The following CTNNA3 variants were observed in gnomAD, a reference collection of about 807,000 sequenced individuals.
CTNNA3 encodes the protein catenin alpha-3.
CTNNA3 carries 76 observed loss-of-function variants against 95.7 expected under a neutral mutation model. The ratio of observed to expected loss-of-function variants is 0.79; its 90% CI spans 0.66 to 0.96. The LOEUF (loss-of-function observed/expected upper bound fraction) is 0.96. Ranked by LOEUF, CTNNA3 falls within the 40% of genes least tolerant of loss-of-function variation. The pLI is 0.00. For synonymous variants in CTNNA3, 431 were observed against 374.4 expected, an observed-to-expected ratio of 1.15 and a Z score of -1.74; for missense variants, 1,191 against 1,089.8, an observed-to-expected ratio of 1.09 and a Z score of -1.31.
intron 5 of CTNNA3, among the ~76,000 whole-genome samples, chr10:67,362,638 A>G (rs1843031654): frequency 6.6e-6 from 1 of 152,134 alleles, no homozygotes; most frequent in African/African-American, 2.4e-5. Flanking sequence ...ACAAACCCAC[A>G]GCCAACATCA....
At chr10:67,406,144 T>G (rs1589259637) in intron 5 of CTNNA3, among the ~76,000 whole-genome samples, 1 of 152,172 alleles carries the variant, frequency 6.6e-6, no homozygotes, top group East Asian at 1.9e-4. Flanking sequence ...AAAAAGAACA[T>G]GCTTGCTTCC....
chr10:66,695,899 T>A, intron 9 of CTNNA3, among the ~76,000 whole-genome samples: 2 of 101,754 alleles, frequency 2.0e-5, no homozygotes, highest in African/African-American at 7.9e-5. Flanking sequence ...ATCTAAAAAT[T>A]GGGTGAAAGA....
intron 13 of CTNNA3, among the ~76,000 whole-genome samples, chr10:66,175,003 A>G (rs1337545852): frequency 1.3e-5 from 2 of 152,148 alleles, no homozygotes; most frequent in East Asian, 1.9e-4. Flanking sequence ...ATGATAATCA[A>G]TGTGTCATTG....
At chr10:67,426,440 A>C (rs921616020) in intron 5 of CTNNA3, among the ~76,000 whole-genome samples, 3 of 152,126 alleles carry the variant, frequency 2.0e-5, no homozygotes, top group Non-Finnish European at 2.9e-5. Flanking sequence ...GCTGTTTGTA[A>C]TAATAGTAAG....
At chr10:67,252,113 A>G (rs543229507) in intron 5 of CTNNA3, among the ~76,000 whole-genome samples, 32 of 150,278 alleles carry the variant, frequency 2.1e-4, no homozygotes, top group African/African-American at 7.1e-4. Flanking sequence ...TGGGAGGCTG[A>G]GGTGGGAGAA....
chr10:67,726,267 AT>A (rs1841214714), intron 1 of CTNNA3, among the ~76,000 whole-genome samples: 1 of 68,640 alleles, frequency 1.5e-5, no homozygotes, highest in Non-Finnish European at 2.3e-5. Flanking sequence ...TGTATTACAT[AT>A]TATATATATT....
At chr10:67,638,616 A>T (rs898754152) in intron 2 of CTNNA3, among the ~76,000 whole-genome samples, 6 of 152,122 alleles carry the variant, frequency 3.9e-5, no homozygotes, top group Non-Finnish European at 5.9e-5. Flanking sequence ...GAAGTAAAGC[A>T]CTCCTCAGCA....
At chr10:67,576,517 G>C (rs879687013) in intron 3 of CTNNA3, among the ~76,000 whole-genome samples, 1 of 151,452 alleles carries the variant, frequency 6.6e-6, no homozygotes, top group Non-Finnish European at 1.5e-5. Flanking sequence ...AATTATAAGA[G>C]TGTTCTCTTG....
At chr10:67,750,430 T>C in intron 1 of CTNNA3, 1 of 1,488,264 alleles carries the variant, frequency 6.7e-7, no homozygotes, top group Non-Finnish European at 9.4e-7. Context: ...CCTATGTCTA[T>C]CAGAATGAAC....
At chr10:67,742,769 A>G (rs1385160019) in intron 1 of CTNNA3, among the ~76,000 whole-genome samples, 5 of 151,164 alleles carry the variant, frequency 3.3e-5, no homozygotes, top group Non-Finnish European at 5.9e-5. Context: ...ACTAATAAGG[A>G]AGAAAAGAGA....
chr10:67,712,542 G>A (rs988135172), intron 1 of CTNNA3, among the ~76,000 whole-genome samples: 1 of 152,236 alleles, frequency 6.6e-6, no homozygotes, highest in South Asian at 2.1e-4. Flanking sequence ...AGCTGTGGCT[G>A]AAAGGGGCCA....
At chr10:67,611,369 C>T (rs925684341) in intron 2 of CTNNA3, among the ~76,000 whole-genome samples, 4 of 151,740 alleles carry the variant, frequency 2.6e-5, no homozygotes, top group African/African-American at 7.3e-5. Flanking sequence ...GCTGGAGTGC[C>T]GTGGCACGAT....
chr10:66,340,133 CT>C (rs1280693819), intron 12 of CTNNA3, among the ~76,000 whole-genome samples: 1 of 151,848 alleles, frequency 6.6e-6, no homozygotes, highest in Non-Finnish European at 1.5e-5. Context: ...AAATTGTCAT[CT>C]CTTGCCTGTC....
chr10:66,440,652 C>T (rs1283946109), intron 11 of CTNNA3, among the ~76,000 whole-genome samples: 1 of 152,072 alleles, frequency 6.6e-6, no homozygotes, highest in Admixed American at 6.6e-5. Context: ...TTGTTTGAAA[C>T]TTGAGAATAG....
intron 12 of CTNNA3, among the ~76,000 whole-genome samples, chr10:66,290,364 C>A (rs984035460): frequency 6.6e-6 from 1 of 151,770 alleles, no homozygotes; most frequent in Non-Finnish European, 1.5e-5. Flanking sequence ...GTTTGAGGTC[C>A]AGGCAAAAAT....
Position 67,421,985 on chromosome 10 carries a change from C to T in CTNNA3, c.579+99857G>A, listed in dbSNP as rs185321656. ...TGCTCACACTGAGGACACAATATCG[C>T]TTTGTGCTATTGTTATCAAAAATGC... On this transcript the variant is annotated intron_variant, in intron 5 of 17. Transcript: ENST00000433211. Among the ~76,000 whole-genome samples the T allele has an allele frequency of 2.1e-3, 325 of 152,222 alleles. 2 individuals carry two copies. Among genetic ancestry groups the T allele is most frequent in the African/African-American group, 7.5e-3 (312 of 41,544 alleles).
intron 5 of CTNNA3, among the ~76,000 whole-genome samples, chr10:67,281,781 A>G (rs1159046769): frequency 6.6e-6 from 1 of 152,186 alleles, no homozygotes; most frequent in Non-Finnish European, 1.5e-5. Context: ...AGTTCTGAAT[A>G]TAAATATCCC....
chr10:66,208,197 A>T (rs1266600513), intron 13 of CTNNA3, among the ~76,000 whole-genome samples: 1 of 152,116 alleles, frequency 6.6e-6, no homozygotes, highest in East Asian at 1.9e-4. Context: ...CGGGGTAAGA[A>T]TTAAGTAGAC....
At chr10:67,293,799 G>C (rs1366098765) in intron 5 of CTNNA3, among the ~76,000 whole-genome samples, 2 of 151,778 alleles carry the variant, frequency 1.3e-5, no homozygotes, top group Non-Finnish European at 2.9e-5. Context: ...AGTTTGCTGA[G>C]AATGATGGTT....
Sources: gnomAD v4.1 joint callset for allele counts (sites outside exome capture counted in the v4.1 genomes callset) on GRCh38, gnomAD v4.1.1 for gene constraint, MANE v1.5 for transcripts, NCBI Gene and HGNC (gene_info 2026-07-23, HGNC 2026-07-21) for gene names.